The following SBNO2 variants were observed in gnomAD, a reference collection of about 807,000 sequenced individuals.
SBNO2 encodes the protein strawberry notch homolog 2.
SBNO2 carries 89 observed loss-of-function variants against 146.3 expected under a neutral mutation model. That is an observed-to-expected ratio of 0.61 (90% CI 0.51 to 0.73). The LOEUF (loss-of-function observed/expected upper bound fraction) is 0.73, where lower values mean the gene tolerates loss of function less well. SBNO2 is among the 30% of genes least tolerant of loss of function. The pLI is 0.00. For missense variants in SBNO2, 2,092 were observed against 2,003.7 expected (o/e 1.04, Z -0.84); for synonymous variants, 1,147 against 892.6 (o/e 1.29, Z -5.08).
At chr19:1,156,003 A>G (rs1476737237) in intron 1 of SBNO2, among the ~76,000 whole-genome samples, 2 of 152,148 alleles carry the variant, frequency 1.3e-5, no homozygotes, top group African/African-American at 2.4e-5. Flanking sequence ...CACAGTCCTG[A>G]GCTGATGGGC....
At chr19:1,118,941 G>A (rs889282485) in intron 14 of SBNO2, 70 bp downstream of exon 14, 3 of 1,485,822 alleles carry the variant, frequency 2.0e-6, no homozygotes, top group African/African-American at 2.8e-5. Context: ...TGTGGCATCT[G>A]CAAGGCCACG....
rs1236100623 is a variant in SBNO2 at position 1,172,993 on chromosome 19, T to A, written c.-127+1179A>T. Among the ~76,000 whole-genome samples the A allele has an allele frequency of 9.5e-4, 74 of 77,954 alleles. 1 individual carries two copies. The highest frequency in any genetic ancestry group is 2.4e-4 in the Non-Finnish European group (7 of 29,170). 51.1% of individuals were successfully genotyped at this position (77,954 alleles called of 152,430 possible). A position where few individuals can be genotyped will look rare whatever the true frequency, so the allele number is the denominator to read the frequency against. On this transcript the variant is annotated intron_variant, in intron 1 of 31. Coordinates refer to ENST00000361757, the MANE Select transcript of SBNO2 (RefSeq NM_014963.3). ...GCCCCGGCTACACATTTAAGAGATT[T>A]TTTTTTTTTTTTTTTAACTTTTCAG...
chr19:1,172,791 C>CG (rs34779585), intron 1 of SBNO2, among the ~76,000 whole-genome samples: 1 of 110,414 alleles, frequency 9.1e-6, no homozygotes, highest in Admixed American at 8.3e-5. Context: ...CCCCCCGCCC[C>CG]GGCAAACTGG....
intron 17 of SBNO2, chr19:1,115,514 T>C (rs1481007433): frequency 6.4e-6 from 1 of 156,196 alleles, no homozygotes; most frequent in Non-Finnish European, 1.4e-5. Context: ...GTGCTGGGAT[T>C]ACAGGCGTGA....
intron 24 of SBNO2, 109 bp from the exon 25 acceptor site, chr19:1,111,202 C>T (rs960387623): frequency 7.7e-7 from 1 of 1,297,212 alleles, no homozygotes; most frequent in Non-Finnish European, 1.0e-6. Context: ...TGGGGAGCAG[C>T]TGCAGCCTAG....
rs1029475609 is a variant in SBNO2 at position 1,127,737 on chromosome 19, T to G, written c.308A>C (p.Asn103Thr). 1.2e-6 allele frequency: 2 copies of G among 1,613,382 alleles called. No individual in the cohort carries two copies. Among genetic ancestry groups the G allele is most frequent in the Admixed American group, 1.7e-5 (1 of 59,994 alleles). ...CACGGACGAGGAGAAGATGGAGATG[T>G]TGGAGAAGTCCTCAAAATAGGAGGA... ...QDSSYFEDFS[N>T]ISIFSSSVDS... Residue 103 changes from asparagine (N) to threonine (T), a missense_variant, in exon 5 of 32, where the codon AAC becomes ACC. Transcript: ENST00000361757.
At position 1,111,600 on chromosome 19, in the gene SBNO2, G is replaced by A; in HGVS notation, c.2715C>T (p.Ala905=). Residue 905 remains alanine, a synonymous_variant, in exon 24 of 32, where the codon GCC becomes GCT. Transcript: ENST00000361757. ...GGATGGTGGTGAGGACACAGTGCAG[G>A]GCCCGGGTGCCATACTAGGGGGAGA... The part of the protein sequence containing the change: ...YNFENKYGTR[A]LHCVLTTILS... 1.3e-6 allele frequency: 2 copies of A among 1,588,072 alleles called. No homozygotes were observed. The highest frequency in any genetic ancestry group is 1.7e-6 in the Non-Finnish European group (2 of 1,167,490).
chr19:1,149,531 G>A, intron 2 of SBNO2, 89 bp from the exon 3 acceptor site: 1 of 1,190,328 alleles, frequency 8.4e-7, no homozygotes, highest in Non-Finnish European at 1.2e-6. Context: ...GACAGGCCGA[G>A]AGGCTAGGGA....
Position 1,144,418 on chromosome 19 carries a change from G to A in SBNO2, c.279+2891C>T, listed in dbSNP as rs113578694. 5.9e-5 allele frequency among the ~76,000 whole-genome samples: 9 copies of A among 152,338 alleles called. No homozygotes were observed. Among genetic ancestry groups the A allele is most frequent in the Admixed American group, 2.6e-4 (4 of 15,302 alleles). ...AGGCAGGGTGGGCAGGGAGCCGGGC[G>A]GGCGGTGCTCACAGAACCAGCACAG... is the stretch of plus-strand genomic sequence containing the variant. On this transcript the variant is annotated intron_variant, in intron 4 of 31. Coordinates refer to ENST00000361757, the MANE Select transcript of SBNO2 (RefSeq NM_014963.3). The surrounding 1 kb of genome is among the most constrained non-coding windows in gnomAD (Gnocchi z 4.1).
At chr19:1,111,662 C>CT in intron 23 of SBNO2, 48 bp from the exon 24 acceptor site, 1 of 1,427,302 alleles carries the variant, frequency 7.0e-7, no homozygotes, top group African/African-American at 1.4e-5. Context: ...AGGAGGCTGG[C>CT]TTTCCCTGGA....
chr19:1,135,622 T>A (rs1443971529), intron 4 of SBNO2, among the ~76,000 whole-genome samples: 1 of 152,142 alleles, frequency 6.6e-6, no homozygotes, highest in Non-Finnish European at 1.5e-5. Context: ...TCCCTCCGCC[T>A]CTGTCCAGGG....
chr19:1,143,908 C>T (rs1010451855), intron 4 of SBNO2, among the ~76,000 whole-genome samples: 4 of 152,208 alleles, frequency 2.6e-5, no homozygotes, highest in Non-Finnish European at 2.9e-5. Context: ...CCATGAGAGG[C>T]GACACGGCGG....
intron 4 of SBNO2, 64 bp downstream of exon 4, chr19:1,147,245 G>T (rs2080199140): frequency 7.1e-6 from 8 of 1,126,012 alleles, no homozygotes; most frequent in Non-Finnish European, 1.0e-5. Flanking sequence ...TCGCAGGGCA[G>T]CTGGAGGGGC....
chr19:1,164,239 C>T (rs1190218119), intron 1 of SBNO2, among the ~76,000 whole-genome samples: 1 of 152,184 alleles, frequency 6.6e-6, no homozygotes, highest in Admixed American at 6.5e-5. Flanking sequence ...CGGAGATGGC[C>T]AGGAGCAGGA....
chr19:1,157,122 G>A lies in SBNO2; in HGVS notation c.-126-2720C>T, dbSNP rs116574489. On this transcript the variant is annotated intron_variant, in intron 1 of 31. Coordinates refer to ENST00000361757, the MANE Select transcript of SBNO2 (RefSeq NM_014963.3). This position sits in a 1 kb window ranked among gnomAD's most constrained non-coding sequence, Gnocchi z 6.8. The stretch of plus-strand genomic sequence containing the variant: ...CCTGCCTGCAGACTCGGTCCTGTCC[G>A]AGGGCCCACGCCCCCAAGGGCTGGC... Among the ~76,000 whole-genome samples the A allele has an allele frequency of 5.2e-3, 781 of 151,580 alleles. 9 individuals are homozygous for A. The highest frequency in any genetic ancestry group is 0.018 in the African/African-American group (750 of 41,256).
rs1455401571 is a variant in SBNO2, at chr19:1,117,625, G to A, written c.1528-126C>T. The A allele has an allele frequency of 8.5e-6, 8 of 937,970 alleles. No homozygotes were observed. In the African/African-American group the frequency reaches 1.3e-4, roughly 16 times the overall value. 58.1% of individuals were successfully genotyped at this position (937,970 alleles called of 1,614,324 possible). On this transcript the variant is annotated intron_variant, in intron 14 of 31. Transcript: ENST00000361757. ...CCAGGTGGAATTTAGGGCAGGATGG[G>A]GGTGCTGGGGGTGTGCACTGTAAGA...
intron 14 of SBNO2, among the ~76,000 whole-genome samples, chr19:1,118,076 C>A (rs1313378209): frequency 6.6e-6 from 1 of 152,218 alleles, no homozygotes; most frequent in Non-Finnish European, 1.5e-5. Flanking sequence ...TGGCTCACGC[C>A]TGTAATCACA....
At chr19:1,138,589 G>A (rs2080106435) in intron 4 of SBNO2, among the ~76,000 whole-genome samples, 3 of 152,194 alleles carry the variant, frequency 2.0e-5, no homozygotes, top group South Asian at 2.1e-4. Context: ...CACAACTCAC[G>A]ACGGCCACGG....
At chr19:1,113,032 G>T in intron 19 of SBNO2, 83 bp from the exon 20 acceptor site, 2 of 1,455,128 alleles carry the variant, frequency 1.4e-6, no homozygotes, top group Admixed American at 2.1e-5. Flanking sequence ...GCTTCCCTAT[G>T]TCCTACAGTG....
Sources: allele counts gnomAD v4.1 joint callset (sites outside exome capture counted in the v4.1 genomes callset), GRCh38; gene constraint gnomAD v4.1.1; non-coding constraint Gnocchi (gnomAD v3.1); transcripts MANE v1.5; gene names NCBI Gene and HGNC (gene_info 2026-07-23, HGNC 2026-07-21).